RABGAP1L: variants seen among roughly 807,000 people sequenced by gnomAD.
RABGAP1L encodes the protein RAB GTPase activating protein 1 like, also known as rab GTPase-activating protein 1-like.
A neutral mutation model predicts 137.7 loss-of-function variants in RABGAP1L; 63 were observed. That is an observed-to-expected ratio of 0.46 (90% CI 0.37 to 0.56). RABGAP1L has a LOEUF of 0.56. Among genes scored for constraint, RABGAP1L ranks in the 20% least tolerant of loss-of-function variants. The pLI, the probability that RABGAP1L is intolerant of heterozygous loss-of-function variation, is 0.00. For missense variants in RABGAP1L, 1,095 were observed against 1,244.0 expected (o/e 0.88, Z 1.80); for synonymous variants, 431 against 433.7 (o/e 0.99, Z 0.08).
At chr1:174,781,727 T>G (rs1467009213) in intron 18 of RABGAP1L, among the ~76,000 whole-genome samples, 1 of 152,212 alleles carries the variant, frequency 6.6e-6, no homozygotes, top group African/African-American at 2.4e-5. Flanking sequence ...TTAATCCATC[T>G]TGAATTAATT....
intron 11 of RABGAP1L, among the ~76,000 whole-genome samples, chr1:174,359,855 A>G (rs1207107630): frequency 6.6e-6 from 1 of 152,242 alleles, no homozygotes; most frequent in Non-Finnish European, 1.5e-5. Flanking sequence ...AGGATTAAAT[A>G]GATTAATGCC....
At chr1:174,680,386 A>T (rs1472658318) in intron 14 of RABGAP1L, among the ~76,000 whole-genome samples, 2 of 152,200 alleles carry the variant, frequency 1.3e-5, no homozygotes, top group African/African-American at 2.4e-5. Context: ...ATGAAAAGGC[A>T]CAATTTCTGT....
At chr1:174,232,880 C>T (rs1670800070) in intron 4 of RABGAP1L, among the ~76,000 whole-genome samples, 1 of 152,126 alleles carries the variant, frequency 6.6e-6, no homozygotes, top group Non-Finnish European at 1.5e-5. Flanking sequence ...CCTACTGCTC[C>T]AACTTGTTCT....
chr1:174,580,314 A>T lies in RABGAP1L; in HGVS notation c.1711-57061A>T, dbSNP rs182052881. Reference sequence around the variant, plus strand: ...CCAAAGGATTATAAATCGTGCTGTTATAAAGACACATGCACACATATGTTT... The same window carrying T: ...CCAAAGGATTATAAATCGTGCTGTTTTAAAGACACATGCACACATATGTTT... On this transcript the variant is annotated intron_variant, in intron 13 of 25. Transcript: ENST00000681986. 8.5e-5 allele frequency among the ~76,000 whole-genome samples: 13 copies of T among 152,324 alleles called. No homozygotes were observed. In the East Asian group the frequency reaches 2.5e-3, roughly 29 times the overall value.
intron 14 of RABGAP1L, among the ~76,000 whole-genome samples, chr1:174,663,710 T>C (rs549353934): frequency 6.6e-6 from 1 of 152,354 alleles, no homozygotes; most frequent in African/African-American, 2.4e-5. Context: ...TCAATACTTT[T>C]ATGGTTATTC....
chr1:174,763,672 AAAAAAAAAAAAAAAAATT>A (rs1685429528), intron 18 of RABGAP1L, among the ~76,000 whole-genome samples: 1 of 132,312 alleles, frequency 7.6e-6, no homozygotes, highest in African/African-American at 2.9e-5. Flanking sequence ...AAAAAAAAAA[AAAAAAAAAAAAAAAAATT>A]AGCCAGGCGT....
intron 13 of RABGAP1L, among the ~76,000 whole-genome samples, chr1:174,502,642 A>G (rs1228513105): frequency 2.0e-5 from 3 of 148,472 alleles, no homozygotes; most frequent in East Asian, 2.0e-4. Flanking sequence ...ATGTGTGTAT[A>G]TATATGTACA....
At chr1:174,981,990 T>C (rs1443948190) in intron 23 of RABGAP1L, among the ~76,000 whole-genome samples, 1 of 152,164 alleles carries the variant, frequency 6.6e-6, no homozygotes, top group Non-Finnish European at 1.5e-5. Context: ...CACAAAGCTA[T>C]AAAGAAATGG....
chr1:174,240,790 A>T (rs932258114), intron 4 of RABGAP1L, among the ~76,000 whole-genome samples: 4 of 152,200 alleles, frequency 2.6e-5, no homozygotes, highest in Admixed American at 2.6e-4. Flanking sequence ...CTTTTGCCAT[A>T]ATTGAAAAAG....
At chr1:174,866,227 T>A (rs1418784722) in intron 19 of RABGAP1L, among the ~76,000 whole-genome samples, 1 of 151,490 alleles carries the variant, frequency 6.6e-6, no homozygotes, top group Non-Finnish European at 1.5e-5. Context: ...TTTCTCCTTC[T>A]CTCATCTTTC....
intron 24 of RABGAP1L, among the ~76,000 whole-genome samples, chr1:174,985,118 C>T (rs779553310): frequency 4.6e-5 from 7 of 152,200 alleles, no homozygotes; most frequent in Non-Finnish European, 8.8e-5. Context: ...ACTAGGCTCA[C>T]GCCTGTCATT....
chr1:174,655,512 G>A (rs559044151), intron 14 of RABGAP1L, among the ~76,000 whole-genome samples: 6 of 152,226 alleles, frequency 3.9e-5, no homozygotes, highest in South Asian at 2.1e-4. Flanking sequence ...TAATATGTAT[G>A]CAGTTTCATT....
chr1:174,430,296 C>T (rs906405321), intron 13 of RABGAP1L, among the ~76,000 whole-genome samples: 2 of 151,592 alleles, frequency 1.3e-5, no homozygotes, highest in Admixed American at 6.6e-5. Context: ...TTGCTTGAGC[C>T]CGGAGGAGGC....
chr1:174,735,553 A>G (rs1449035102), intron 17 of RABGAP1L, among the ~76,000 whole-genome samples: 1 of 127,656 alleles, frequency 7.8e-6, no homozygotes. Flanking sequence ...CAGAGGTTGC[A>G]GTGAGCTGAG....
At chr1:174,637,343 T>G (rs1674142410) in intron 13 of RABGAP1L, 32 bp from the exon 14 acceptor site, 2 of 1,472,760 alleles carry the variant, frequency 1.4e-6, no homozygotes, top group Non-Finnish European at 1.9e-6. Context: ...GGAAAAAATT[T>G]AATAACCAGG....
At chr1:174,728,919 G>C (rs1682229288) in intron 17 of RABGAP1L, among the ~76,000 whole-genome samples, 1 of 152,096 alleles carries the variant, frequency 6.6e-6, no homozygotes, top group Non-Finnish European at 1.5e-5. Flanking sequence ...GGGATTACAG[G>C]AGTGAGCCAC....
chr1:174,606,290 A>G (rs1461156075), intron 13 of RABGAP1L, among the ~76,000 whole-genome samples: 1 of 152,118 alleles, frequency 6.6e-6, no homozygotes, highest in Non-Finnish European at 1.5e-5. Flanking sequence ...ATAAATTTTG[A>G]TTTTTCCTGA....
rs192707731 is a variant in RABGAP1L at position 174,624,006 on chromosome 1, A to G, written c.1711-13369A>G. Among the ~76,000 whole-genome samples the G allele has an allele frequency of 8.1e-4, 123 of 152,380 alleles. 2 individuals carry two copies. The highest frequency in any genetic ancestry group is 6.8e-3 in the Middle Eastern group (2 of 294). On this transcript the variant is annotated intron_variant, in intron 13 of 25. Transcript: ENST00000681986. ...ACTGAGACTTCAGAGACTATGACAGATGAAATGGCTCCATATTGTCCACAG... is the reference window on the plus strand; with the variant it reads ...ACTGAGACTTCAGAGACTATGACAGGTGAAATGGCTCCATATTGTCCACAG...
chr1:174,660,774 G>T (rs1279749907), intron 14 of RABGAP1L, among the ~76,000 whole-genome samples: 1 of 152,084 alleles, frequency 6.6e-6, no homozygotes, highest in Non-Finnish European at 1.5e-5. Context: ...TGAATCCCTT[G>T]CTCAAGTGTT....
Sources: gnomAD v4.1 joint callset for allele counts (sites outside exome capture counted in the v4.1 genomes callset) on GRCh38, gnomAD v4.1.1 for gene constraint, MANE v1.5 for transcripts, NCBI Gene and HGNC (gene_info 2026-07-23, HGNC 2026-07-21) for gene names.